The following NFKB2 variants were observed in gnomAD, a reference collection of about 807,000 sequenced individuals.
NFKB2 encodes the protein nuclear factor kappa B subunit 2.
In NFKB2, 21 loss-of-function variants were observed where a neutral mutation model predicts 109.3. The ratio of observed to expected loss-of-function variants is 0.19; its 90% CI spans 0.14 to 0.28. NFKB2 has a LOEUF of 0.28. Among genes scored for constraint, NFKB2 ranks in the 10% least tolerant of loss-of-function variants. NFKB2 has a pLI of 1.00. For missense variants in NFKB2, 806 were observed against 1,185.3 expected (o/e 0.68, Z 4.70); for synonymous variants, 478 against 489.9 (o/e 0.98, Z 0.32).
chr10:102,400,622 C>T lies in NFKB2; in HGVS notation c.1799-33C>T, dbSNP rs1364370260. ...CTGGTCCAGGGGCTGCCTTAAGGGT[C>T]ACAGCTGCAGGTTGAGCATCCTGCA... On this transcript the variant is annotated intron_variant, in intron 16 of 22. Transcript: ENST00000661543. This position sits in a 1 kb window ranked among gnomAD's most constrained non-coding sequence, Gnocchi z 6.3. The T allele has an allele frequency of 6.2e-7, 1 of 1,610,428 alleles. No homozygotes were observed. The highest frequency in any genetic ancestry group is 2.2e-5 in the East Asian group (1 of 44,782).
rs769904584 is a variant in NFKB2, at chr10:102,399,346, G to T, written c.1176G>T (p.Ala392=). The part of the protein sequence containing the change: ...SLAYSPYQSG[A]GPMGCYPGGG... ...CCTACAGCCCCTACCAGTCCGGCGC[G>T]GGCCCCATGGGCTGCTACCCGGGAG... is the stretch of plus-strand genomic sequence containing the variant. The change falls in exon 13 of 23, where the codon GCG becomes GCT. Residue 392 remains alanine, a synonymous_variant. Transcript: ENST00000661543. The T allele has an allele frequency of 6.4e-7, 1 of 1,566,726 alleles. No individual in the cohort carries two copies. Among genetic ancestry groups the T allele is most frequent in the Admixed American group, 1.9e-5 (1 of 51,584 alleles).
Position 102,396,470 on chromosome 10 carries a change from T to C in NFKB2, c.125T>C (p.Ile42Thr). 1 of 1,613,984 alleles carries C rather than the reference T, an allele frequency of 6.2e-7. No individual in the cohort carries two copies. Among genetic ancestry groups the C allele is most frequent in the Non-Finnish European group, 8.5e-7 (1 of 1,179,988 alleles). The stretch of plus-strand genomic sequence containing the variant: ...CCAGCTGATGGCCCCTACCTGGTGA[T>C]CGTGGAACAGCCTAAGCAGGTGAGT... ...PETADGPYLVIVEQPKQRGFR... is the reference protein window; with the variant it reads ...PETADGPYLVTVEQPKQRGFR... The change falls in exon 4 of 23, where the codon ATC becomes ACC. Residue 42 changes from isoleucine (I) to threonine (T), a missense_variant. Ile to Thr is a moderately conservative substitution (Grantham distance 89, BLOSUM62 -1). Transcript: ENST00000661543. This position sits in a 1 kb window ranked among gnomAD's most constrained non-coding sequence, Gnocchi z 5.9.
At position 102,397,348 on chromosome 10, in the gene NFKB2, G is replaced by A. The variant is rs1255524060; in HGVS notation, c.442G>A (p.Gly148Arg). ...GCATGTGACTAAGAAGAACATGATG[G>A]GGACTATGATACAAAAACTTCAGAG... ...VLHVTKKNMM[G>R]TMIQKLQRQR... The change falls in exon 7 of 23, where the codon GGG becomes AGG. Residue 148 changes from glycine (G) to arginine (R), a missense_variant. Physicochemically the swap from Gly to Arg is moderately radical, Grantham distance 125. Transcript: ENST00000661543. This position sits in a 1 kb window ranked among gnomAD's most constrained non-coding sequence, Gnocchi z 4.7. 2 of 1,613,976 alleles carry A rather than the reference G, an allele frequency of 1.2e-6. No individual in the cohort carries two copies. Among genetic ancestry groups the A allele is most frequent in the Non-Finnish European group, 1.7e-6 (2 of 1,179,986 alleles).
At position 102,396,276 on chromosome 10, in the gene NFKB2, T is replaced by C. The variant is rs764595866; in HGVS notation, c.45T>C (p.Tyr15=). Residue 15 remains tyrosine (Y), a synonymous_variant, in exon 3 of 23, where the codon TAT becomes TAC. Transcript: ENST00000661543. The surrounding 1 kb of genome is among the most constrained non-coding windows in gnomAD (Gnocchi z 5.9). ...YNPGLDGIIE[Y]DDFKLNSSIV... ...AGGGTCTGGATGGTATTATTGAATATGATGATTTCAAATTGAACTCCTCCA... is the reference window on the plus strand; with the variant it reads ...AGGGTCTGGATGGTATTATTGAATACGATGATTTCAAATTGAACTCCTCCA... The C allele has an allele frequency of 4.3e-5, 70 of 1,612,592 alleles. No homozygotes were observed. Among genetic ancestry groups the C allele is most frequent in the Non-Finnish European group, 5.8e-5 (68 of 1,178,886 alleles).
In NFKB2 at chr10:102,397,633, C is replaced by G; in HGVS notation, c.609C>G (p.Gly203=). The stretch of plus-strand genomic sequence containing the variant: ...CTGCCTTCCTTAGAGCCAGTGATGG[C>G]TCCTTCTCCCTGCCCCTGAAGCCAG... ...RFSAFLRASD[G]SFSLPLKPVI... Residue 203 remains glycine, a synonymous_variant, in exon 8 of 23, where the codon GGC becomes GGG. Coordinates refer to ENST00000661543, the MANE Select transcript of NFKB2 (RefSeq NM_001322934.2). The surrounding 1 kb of genome is among the most constrained non-coding windows in gnomAD (Gnocchi z 4.7). 1 of 1,613,802 alleles carries G rather than the reference C, an allele frequency of 6.2e-7. No homozygotes were observed. The highest frequency in any genetic ancestry group is 1.1e-5 in the South Asian group (1 of 91,084).
chr10:102,395,705 A>C lies in NFKB2; in HGVS notation c.-164A>C, dbSNP rs1035176754. The stretch of plus-strand genomic sequence containing the variant: ...TTTCGGGACTTTCCTAAGCTGCTCT[A>C]ACTTTCCTGCCCCTTCCCCGGCCAA... On this transcript the variant is annotated 5_prime_UTR_variant, in exon 1 of 23. Transcript: ENST00000661543. 3.4e-6 allele frequency: 2 copies of C among 580,388 alleles called. No individual in the cohort carries two copies. The highest frequency in any genetic ancestry group is 6.2e-6 in the Non-Finnish European group (2 of 323,908). The allele number at this position is 580,388 out of a possible 1,614,324, so 36.0% of individuals were successfully genotyped here. A position where few individuals can be genotyped will look rare whatever the true frequency, so the allele number is the denominator to read the frequency against.
chr10:102,396,102 T>C lies in NFKB2; in HGVS notation c.21+122T>C. On this transcript the variant is annotated intron_variant, in intron 2 of 22. Coordinates refer to ENST00000661543, the MANE Select transcript of NFKB2 (RefSeq NM_001322934.2). This position sits in a 1 kb window ranked among gnomAD's most constrained non-coding sequence, Gnocchi z 5.9. ...CGCAGATGCTCTCAGCCTGCCAGTC[T>C]GTCCATCTGTCTGCAACTCTGCCTC... is the stretch of plus-strand genomic sequence containing the variant. 2 of 1,481,076 alleles carry C rather than the reference T, an allele frequency of 1.4e-6. No homozygotes were observed. The highest frequency in any genetic ancestry group is 1.9e-6 in the Non-Finnish European group (2 of 1,066,622). 91.7% of individuals were successfully genotyped at this position (1,481,076 alleles called of 1,614,324 possible).
chr10:102,396,987 G>T lies in NFKB2; in HGVS notation c.327G>T (p.Leu109=). 9.3e-6 allele frequency: 15 copies of T among 1,613,856 alleles called. No individual in the cohort carries two copies. The highest frequency in any genetic ancestry group is 1.3e-5 in the Non-Finnish European group (15 of 1,179,842). The part of the protein sequence containing the change: ...SDPPRAHAHS[L]VGKQCSELGI... ...CACCTCGTGCTCATGCCCACAGTCTGGTGGGCAAGCAATGCTCGGAGCTGG... is the reference window on the plus strand; with the variant it reads ...CACCTCGTGCTCATGCCCACAGTCTTGTGGGCAAGCAATGCTCGGAGCTGG... The change falls in exon 6 of 23, where the codon CTG becomes CTT. Residue 109 remains leucine, a synonymous_variant. Coordinates refer to ENST00000661543, the MANE Select transcript of NFKB2 (RefSeq NM_001322934.2). This position sits in a 1 kb window ranked among gnomAD's most constrained non-coding sequence, Gnocchi z 5.9.
chr10:102,398,735 C>T lies in NFKB2; in HGVS notation c.992-4C>T. On this transcript the variant is annotated splice_polypyrimidine_tract_variant and splice_region_variant and intron_variant, in intron 11 of 22. Transcript: ENST00000661543. This position sits in a 1 kb window ranked among gnomAD's most constrained non-coding sequence, Gnocchi z 6.6. ...GGCTCAATCTCATTTTCCTCTGCCC[C>T]CAGACAAGGAAGAGGTGCAGCGGAA... 6.2e-7 allele frequency: 1 copy of T among 1,612,270 alleles called. No individual in the cohort carries two copies. The highest frequency in any genetic ancestry group is 8.5e-7 in the Non-Finnish European group (1 of 1,180,018).
At position 102,401,967 on chromosome 10, in the gene NFKB2, A is replaced by G. The variant is rs41287457; in HGVS notation, c.2466+50A>G. On this transcript the variant is annotated intron_variant, in intron 21 of 22. Coordinates refer to ENST00000661543, the MANE Select transcript of NFKB2 (RefSeq NM_001322934.2). The surrounding 1 kb of genome is among the most constrained non-coding windows in gnomAD (Gnocchi z 4.2). The stretch of plus-strand genomic sequence containing the variant: ...CTCCCCAGCCTCCTTTCCCGATCTG[A>G]GTCCAGGTGCCTCCTTGGCCCCAGG... The G allele has an allele frequency of 0.063, 100,500 of 1,592,902 alleles. 3,726 individuals are homozygous for G. The highest frequency in any genetic ancestry group is 0.15 in the African/African-American group (10,950 of 74,584).
rs1478870354 is a variant in NFKB2 at position 102,398,903 on chromosome 10, G to A, written c.1117+39G>A. ...GATGGAGGGAGGGGTAAAGGTAAGA[G>A]AAGCTGTGGAGGAAAAAAATCTGGG... On this transcript the variant is annotated intron_variant, in intron 12 of 22. Coordinates refer to ENST00000661543, the MANE Select transcript of NFKB2 (RefSeq NM_001322934.2). The surrounding 1 kb of genome is among the most constrained non-coding windows in gnomAD (Gnocchi z 6.6). 3 of 1,573,968 alleles carry A rather than the reference G, an allele frequency of 1.9e-6. No homozygotes were observed. Among genetic ancestry groups the A allele is most frequent in the East Asian group, 2.2e-5 (1 of 44,766 alleles).
In NFKB2 at chr10:102,395,920, G is replaced by C; in HGVS notation, c.-40G>C. On this transcript the variant is annotated 5_prime_UTR_variant, in exon 2 of 23. Transcript: ENST00000661543. The stretch of plus-strand genomic sequence containing the variant: ...TCTAAAATTCTGGGAAGCAGAACCT[G>C]GCCGGAGCCACTAGACAGAGCCGGG... 2.5e-6 allele frequency: 4 copies of C among 1,607,904 alleles called. No individual in the cohort carries two copies. Among genetic ancestry groups the C allele is most frequent in the Non-Finnish European group, 3.4e-6 (4 of 1,178,410 alleles).
rs570957090 is a variant in NFKB2 at position 102,397,443 on chromosome 10, A to AGGGG, written c.502+37_502+40dup. ...CAGGGGGTGGGTCGGGTATGGGTGCAGGGGGTGGGTGGGTCATGGGAGGTG... is the reference window on the plus strand; with the variant it reads ...CAGGGGGTGGGTCGGGTATGGGTGCAGGGGGGGGGTGGGTGGGTCATGGGAGGTG... On this transcript the variant is annotated intron_variant, in intron 7 of 22. Coordinates refer to ENST00000661543, the MANE Select transcript of NFKB2 (RefSeq NM_001322934.2). This position sits in a 1 kb window ranked among gnomAD's most constrained non-coding sequence, Gnocchi z 4.7. 6.8e-5 allele frequency: 9 copies of AGGGG among 131,982 alleles called. No individual in the cohort carries two copies. Among genetic ancestry groups the AGGGG allele is most frequent in the Non-Finnish European group, 1.0e-4 (9 of 88,346 alleles). 8.2% of individuals were successfully genotyped at this position (131,982 alleles called of 1,614,324 possible).
At position 102,402,099 on chromosome 10, in the gene NFKB2, C is replaced by T. The variant is rs765424403; in HGVS notation, c.2518C>T (p.Leu840=). The stretch of plus-strand genomic sequence containing the variant: ...ACTGGAGGCCCTGTCTGACATGGGC[C>T]TAGAGGAGGGAGTGAGGCTGCTGAG... ...GLLEALSDMG[L]EEGVRLLRGP... The change falls in exon 22 of 23, where the codon CTA becomes TTA. Residue 840 remains leucine (L), a synonymous_variant. Transcript: ENST00000661543. 1.0e-5 allele frequency: 16 copies of T among 1,579,384 alleles called. No individual in the cohort carries two copies. Among genetic ancestry groups the T allele is most frequent in the African/African-American group, 1.3e-5 (1 of 74,266 alleles).
rs757606750 is a variant in NFKB2 at position 102,402,229 on chromosome 10, T to G, written c.2579-23T>G. ...GAGGCCTGAGGCTTTGACTATCCCA[T>G]TCCTGTCCCCATTTACCCCCAGCAG... On this transcript the variant is annotated intron_variant, in intron 22 of 22. Coordinates refer to ENST00000661543, the MANE Select transcript of NFKB2 (RefSeq NM_001322934.2). 21 of 1,551,422 alleles carry G rather than the reference T, an allele frequency of 1.4e-5. 1 individual carries two copies. The Admixed American group carries it at 2.4e-4, about 18-fold the overall frequency.
chr10:102,398,170 A>T lies in NFKB2; in HGVS notation c.767-42A>T, dbSNP rs377579664. ...AGCTCTAGGGTAAATGGCCCCAGAG[A>T]TTCCACCGGGAGCTGTGGCCAAGCT... is the stretch of plus-strand genomic sequence containing the variant. On this transcript the variant is annotated intron_variant, in intron 9 of 22. Coordinates refer to ENST00000661543, the MANE Select transcript of NFKB2 (RefSeq NM_001322934.2). This position sits in a 1 kb window ranked among gnomAD's most constrained non-coding sequence, Gnocchi z 6.6. The T allele has an allele frequency of 1.9e-6, 3 of 1,612,732 alleles. No individual in the cohort carries two copies. In the African/African-American group the frequency reaches 4.0e-5, roughly 22 times the overall value.
Position 102,402,166 on chromosome 10 carries a change from G to C in NFKB2, c.2578+7G>C. On this transcript the variant is annotated splice_region_variant and intron_variant, in intron 22 of 22. Transcript: ENST00000661543. ...GACAAGCTGCCCAGCACAGGTAAAG[G>C]GGCCTCCCTGGAAGGTGGATCTGGA... 6.4e-7 allele frequency: 1 copy of C among 1,563,396 alleles called. No homozygotes were observed.
Position 102,401,698 on chromosome 10 carries a change from C to T in NFKB2, c.2294-47C>T, listed in dbSNP as rs1012682885. On this transcript the variant is annotated intron_variant, in intron 20 of 22. Coordinates refer to ENST00000661543, the MANE Select transcript of NFKB2 (RefSeq NM_001322934.2). This position sits in a 1 kb window ranked among gnomAD's most constrained non-coding sequence, Gnocchi z 4.2. The stretch of plus-strand genomic sequence containing the variant: ...CAGTGTTCAGGTGTCCATGTCCCCA[C>T]CCAACTCTGGAGGTAAATGACATGT... 6 of 1,562,378 alleles carry T rather than the reference C, an allele frequency of 3.8e-6. No individual in the cohort carries two copies. Among genetic ancestry groups the T allele is most frequent in the Non-Finnish European group, 5.2e-6 (6 of 1,151,840 alleles).
chr10:102,400,004 C>T lies in NFKB2; in HGVS notation c.1470-76C>T. 7.0e-7 allele frequency: 1 copy of T among 1,438,344 alleles called. No individual in the cohort carries two copies. Among genetic ancestry groups the T allele is most frequent in the Non-Finnish European group, 9.7e-7 (1 of 1,031,230 alleles). The allele number at this position is 1,438,344 out of a possible 1,614,324, so 89.1% of individuals were successfully genotyped here. On this transcript the variant is annotated intron_variant, in intron 14 of 22. Coordinates refer to ENST00000661543, the MANE Select transcript of NFKB2 (RefSeq NM_001322934.2). The surrounding 1 kb of genome is among the most constrained non-coding windows in gnomAD (Gnocchi z 6.3). ...GTTCCATGGGCCCCAGCGAGGGAGA[C>T]TATGAGGGCGGTGGGGCCTTGAAAG...
Sources: allele counts gnomAD v4.1 joint callset, GRCh38; gene constraint gnomAD v4.1.1; non-coding constraint Gnocchi (gnomAD v3.1); transcripts MANE v1.5; gene names NCBI Gene and HGNC (gene_info 2026-07-23, HGNC 2026-07-21).